Variants in HS6ST3 observed in about 807,000 individuals in gnomAD.
The protein encoded by HS6ST3 is heparan sulfate 6-O-sulfotransferase 3, also known as heparan-sulfate 6-O-sulfotransferase 3.
HS6ST3 carries 12 observed loss-of-function variants against 36.7 expected under a neutral mutation model. That is an observed-to-expected ratio of 0.33 (90% CI 0.21 to 0.53). The LOEUF (loss-of-function observed/expected upper bound fraction) is 0.53, where lower values mean the gene tolerates loss of function less well. Among genes scored for constraint, HS6ST3 ranks in the 20% least tolerant of loss-of-function variants. The pLI is 0.95. For missense variants in HS6ST3, 584 were observed against 640.9 expected, an observed-to-expected ratio of 0.91 and a Z score of 0.96; for synonymous variants, 240 against 257.5, an observed-to-expected ratio of 0.93 and a Z score of 0.65.
At chr13:96,145,456 T>G (rs945325040) in intron 1 of HS6ST3, among the ~76,000 whole-genome samples, 27 of 152,210 alleles carry the variant, frequency 1.8e-4, no homozygotes, top group Non-Finnish European at 4.0e-4. Context: ...TGTCTTCTTT[T>G]GAGAAGTGTC....
chr13:96,830,046 C>G (rs1878741073), intron 1 of HS6ST3, among the ~76,000 whole-genome samples: 1 of 146,100 alleles, frequency 6.8e-6, no homozygotes, highest in Non-Finnish European at 1.5e-5. Flanking sequence ...ACCCATACAA[C>G]CATTCTGTTT....
At chr13:96,607,047 T>A (rs1429300849) in intron 1 of HS6ST3, among the ~76,000 whole-genome samples, 1 of 152,134 alleles carries the variant, frequency 6.6e-6, no homozygotes, top group Non-Finnish European at 1.5e-5. Context: ...AACACTAATA[T>A]GAAAATTCAA....
At chr13:96,625,625 A>T (rs2056509453) in intron 1 of HS6ST3, among the ~76,000 whole-genome samples, 1 of 152,128 alleles carries the variant, frequency 6.6e-6, no homozygotes, top group Admixed American at 6.5e-5. Context: ...ATACTAATAA[A>T]ATTGAACATA....
chr13:96,814,293 A>C (rs1178291699), intron 1 of HS6ST3, among the ~76,000 whole-genome samples: 1 of 152,162 alleles, frequency 6.6e-6, no homozygotes, highest in Non-Finnish European at 1.5e-5. Flanking sequence ...CTTAATTGAT[A>C]ATTTGGCTAG....
In HS6ST3 at chr13:96,242,694, G is replaced by T. The variant is rs552569660; in HGVS notation, c.707+151125G>T. Among the ~76,000 whole-genome samples, 11 of 152,296 alleles carry T rather than the reference G, an allele frequency of 7.2e-5. 1 individual carries two copies. Among genetic ancestry groups the T allele is most frequent in the African/African-American group, 2.4e-4 (10 of 41,570 alleles). ...GATAACGAGTGTTGGTGAGGTTCTG[G>T]AGAAATTGGAACTCTTGTTCCCTGT... is the stretch of plus-strand genomic sequence containing the variant. On this transcript the variant is annotated intron_variant, in intron 1 of 1. Coordinates refer to ENST00000376705, the MANE Select transcript of HS6ST3 (RefSeq NM_153456.4).
chr13:96,626,033 G>A (rs2056511182), intron 1 of HS6ST3, among the ~76,000 whole-genome samples: 1 of 151,076 alleles, frequency 6.6e-6, no homozygotes, highest in East Asian at 2.0e-4. Context: ...TAGTAGAGAC[G>A]AGGCTTCACC....
chr13:96,245,131 G>C (rs1479336998), intron 1 of HS6ST3, among the ~76,000 whole-genome samples: 1 of 152,202 alleles, frequency 6.6e-6, no homozygotes, highest in Non-Finnish European at 1.5e-5. Flanking sequence ...CAAGTTTCCA[G>C]TGTTGCTTTG....
At chr13:96,265,348 A>T (rs531963683) in intron 1 of HS6ST3, among the ~76,000 whole-genome samples, 16 of 151,532 alleles carry the variant, frequency 1.1e-4, no homozygotes, top group Admixed American at 3.3e-4. Context: ...CTAATTAAAA[A>T]TTTTCTTTTT....
chr13:96,711,301 T>G (rs972376918), intron 1 of HS6ST3, among the ~76,000 whole-genome samples: 3 of 152,174 alleles, frequency 2.0e-5, no homozygotes, highest in African/African-American at 7.2e-5. Flanking sequence ...CCAGCAGTCA[T>G]AGAACTATTT....
At chr13:96,757,664 G>A (rs1427483415) in intron 1 of HS6ST3, among the ~76,000 whole-genome samples, 2 of 152,018 alleles carry the variant, frequency 1.3e-5, no homozygotes, top group African/African-American at 4.8e-5. Flanking sequence ...AGTTCGCTGA[G>A]AGTTTTTAAA....
chr13:96,130,188 A>G (rs2053969022), intron 1 of HS6ST3, among the ~76,000 whole-genome samples: 1 of 152,198 alleles, frequency 6.6e-6, no homozygotes, highest in Non-Finnish European at 1.5e-5. Context: ...TTCAAACTTT[A>G]CTTGGTAGGG....
chr13:96,380,086 G>T (rs1010967753), intron 1 of HS6ST3, among the ~76,000 whole-genome samples: 2 of 152,036 alleles, frequency 1.3e-5, no homozygotes, highest in Non-Finnish European at 2.9e-5. Flanking sequence ...TCCTTGATAG[G>T]TAGTCATTGA....
chr13:96,389,877 T>A (rs1566346561), intron 1 of HS6ST3, among the ~76,000 whole-genome samples: 1 of 152,160 alleles, frequency 6.6e-6, no homozygotes, highest in African/African-American at 2.4e-5. Flanking sequence ...ACATGCCAGG[T>A]GAAAGTGGAA....
chr13:96,346,823 C>CT (rs1405623464), intron 1 of HS6ST3, among the ~76,000 whole-genome samples: 5 of 151,996 alleles, frequency 3.3e-5, no homozygotes, highest in African/African-American at 1.2e-4. Context: ...TAACTTTCTT[C>CT]TAGTATAGAA....
intron 1 of HS6ST3, among the ~76,000 whole-genome samples, chr13:96,208,279 G>T (rs895977575): frequency 3.9e-5 from 6 of 152,086 alleles, no homozygotes; most frequent in African/African-American, 1.4e-4. Flanking sequence ...TTCTTTTAAT[G>T]ATTACAAAGG....
chr13:96,732,266 G>C (rs1207958916), intron 1 of HS6ST3, among the ~76,000 whole-genome samples: 1 of 152,052 alleles, frequency 6.6e-6, no homozygotes, highest in Non-Finnish European at 1.5e-5. Flanking sequence ...CCTTGCTATT[G>C]AGTTGTTTGA....
At chr13:96,724,638 G>GA (rs1875953082) in intron 1 of HS6ST3, among the ~76,000 whole-genome samples, 1 of 151,580 alleles carries the variant, frequency 6.6e-6, no homozygotes, top group Non-Finnish European at 1.5e-5. Context: ...ACTCTTGAGG[G>GA]TTTTTTTTGC....
At chr13:96,682,307 A>G (rs552447036) in intron 1 of HS6ST3, among the ~76,000 whole-genome samples, 38 of 152,220 alleles carry the variant, frequency 2.5e-4, no homozygotes, top group East Asian at 1.4e-3. Context: ...AAGGCATACA[A>G]TCTCCATATA....
intron 1 of HS6ST3, among the ~76,000 whole-genome samples, chr13:96,416,349 G>A (rs2055532813): frequency 6.6e-6 from 1 of 152,108 alleles, no homozygotes; most frequent in African/African-American, 2.4e-5. Context: ...TTAATCATTT[G>A]CAAACTTGGA....
Sources: allele counts gnomAD v4.1 joint callset (sites outside exome capture counted in the v4.1 genomes callset), GRCh38; gene constraint gnomAD v4.1.1; transcripts MANE v1.5; gene names NCBI Gene and HGNC (gene_info 2026-07-23, HGNC 2026-07-21).